The following KCNC1 variants were observed in gnomAD, a reference collection of about 807,000 sequenced individuals.
KCNC1 encodes potassium voltage-gated channel subfamily C member 1.
In KCNC1, 8 loss-of-function variants were observed where a neutral mutation model predicts 43.4. That is an observed-to-expected ratio of 0.18 (90% CI 0.11 to 0.33). The LOEUF (loss-of-function observed/expected upper bound fraction) is 0.33. Ranked by LOEUF, KCNC1 falls within the 10% of genes least tolerant of loss-of-function variation. The probability of loss-of-function intolerance (pLI) is 1.00; values close to 1 mark genes in which losing one functional copy is unlikely to be tolerated. For synonymous variants in KCNC1, 361 were observed against 360.5 expected, an observed-to-expected ratio of 1.00 and a Z score of -0.01; for missense variants, 420 against 836.0, an observed-to-expected ratio of 0.50 and a Z score of 6.14.
intron 1 of KCNC1, among the ~76,000 whole-genome samples, chr11:17,748,588 C>T (rs1426973247): frequency 6.6e-6 from 1 of 152,210 alleles, no homozygotes; most frequent in Non-Finnish European, 1.5e-5. Flanking sequence ...ACATGTACCC[C>T]TTAAATCTAA....
chr11:17,755,131 C>T (rs1187220156), intron 1 of KCNC1, among the ~76,000 whole-genome samples: 3 of 152,056 alleles, frequency 2.0e-5, no homozygotes, highest in East Asian at 1.9e-4. Context: ...TGGGGAAAGG[C>T]GTTCTAGGCA....
intron 1 of KCNC1, among the ~76,000 whole-genome samples, chr11:17,764,870 C>T (rs554107086): frequency 6.6e-6 from 1 of 152,310 alleles, no homozygotes; most frequent in Non-Finnish European, 1.5e-5. Context: ...GTTTCTAAAC[C>T]CAACTCAACT....
chr11:17,766,177 T>C (rs560972572), intron 1 of KCNC1, among the ~76,000 whole-genome samples: 1 of 152,324 alleles, frequency 6.6e-6, no homozygotes, highest in East Asian at 1.9e-4. Context: ...CGAGTGTGTA[T>C]GCACGAGTGG....
chr11:17,772,747 G>T lies in KCNC1; in HGVS notation c.1504+149G>T. ...TGGAGGTGTGGAGCCTGGGGGCCCA[G>T]GGAGATGCTGGGCGGCCAAATTCAG... On this transcript the variant is annotated intron_variant, in intron 2 of 3. Coordinates refer to ENST00000265969, the MANE Select transcript of KCNC1 (RefSeq NM_001112741.2). 4.0e-6 allele frequency: 6 copies of T among 1,494,744 alleles called. No homozygotes were observed. In the South Asian group the frequency reaches 8.5e-5, roughly 21 times the overall value. The allele number at this position is 1,494,744 out of a possible 1,614,324, so 92.6% of individuals were successfully genotyped here.
At chr11:17,752,482 CAAACAT>C (rs1848980036) in intron 1 of KCNC1, among the ~76,000 whole-genome samples, 1 of 152,250 alleles carries the variant, frequency 6.6e-6, no homozygotes, top group Non-Finnish European at 1.5e-5. Flanking sequence ...GCTCCACATG[CAAACAT>C]GCAGACATCT....
At chr11:17,770,018 T>C (rs1334020143) in intron 1 of KCNC1, among the ~76,000 whole-genome samples, 2 of 152,250 alleles carry the variant, frequency 1.3e-5, no homozygotes, top group African/African-American at 4.8e-5. Context: ...CAACACAGAA[T>C]GTGGTTTGGA....
chr11:17,779,185 A>C lies in KCNC1; in HGVS notation c.1505-271A>C. ...CGGCCCCCAGCACCACACCTGCTGGATCCATCACCAACTCATCTTTTTGCA... is the reference window on the plus strand; with the variant it reads ...CGGCCCCCAGCACCACACCTGCTGGCTCCATCACCAACTCATCTTTTTGCA... On this transcript the variant is annotated intron_variant, in intron 2 of 3. Coordinates refer to ENST00000265969, the MANE Select transcript of KCNC1 (RefSeq NM_001112741.2). The surrounding 1 kb of genome is among the most constrained non-coding windows in gnomAD (Gnocchi z 7.2). The C allele has an allele frequency of 2.7e-6, 1 of 364,860 alleles. No individual in the cohort carries two copies. The highest frequency in any genetic ancestry group is 4.9e-6 in the Non-Finnish European group (1 of 203,442). 22.6% of individuals were successfully genotyped at this position (364,860 alleles called of 1,614,324 possible). A position where few individuals can be genotyped will look rare whatever the true frequency, so the allele number is the denominator to read the frequency against.
intron 2 of KCNC1, 123 bp downstream of exon 2, chr11:17,772,721 C>G: frequency 3.3e-6 from 5 of 1,511,768 alleles, no homozygotes; most frequent in Non-Finnish European, 4.4e-6. Flanking sequence ...CGCACTCAGT[C>G]TGGAGGTGTG....
intron 2 of KCNC1, chr11:17,775,902 G>C: frequency 1.0e-6 from 1 of 985,568 alleles, no homozygotes; most frequent in Non-Finnish European, 1.2e-6. Context: ...TTGGCAAAGG[G>C]GTCTAAAGTC....
rs1848771512 is a variant in KCNC1, at chr11:17,736,668, G to A, written c.570+96G>A. On this transcript the variant is annotated intron_variant, in intron 1 of 3. Coordinates refer to ENST00000265969, the MANE Select transcript of KCNC1 (RefSeq NM_001112741.2). This position sits in a 1 kb window ranked among gnomAD's most constrained non-coding sequence, Gnocchi z 9.3. ...GTGGACCGGAGAACTGGCGCCTAGG[G>A]AGTTCAGAATCGAAAGGGGGTGTGT... The A allele has an allele frequency of 2.8e-6, 4 of 1,438,000 alleles. No homozygotes were observed. The African/African-American group carries it at 4.3e-5, about 16-fold the overall frequency. The allele number at this position is 1,438,000 out of a possible 1,614,324, so 89.1% of individuals were successfully genotyped here.
At position 17,736,371 on chromosome 11, in the gene KCNC1, C is replaced by T; in HGVS notation, c.369C>T (p.Gly123=). The T allele has an allele frequency of 6.2e-7, 1 of 1,611,970 alleles. No homozygotes were observed. Among genetic ancestry groups the T allele is most frequent in the Non-Finnish European group, 8.5e-7 (1 of 1,179,440 alleles). The change falls in exon 1 of 4, where the codon GGC becomes GGT. Residue 123 remains glycine, a synonymous_variant. Coordinates refer to ENST00000265969, the MANE Select transcript of KCNC1 (RefSeq NM_001112741.2). This position sits in a 1 kb window ranked among gnomAD's most constrained non-coding sequence, Gnocchi z 9.3. The part of the protein sequence containing the change: ...RDAEEALDSF[G]GAPLDNSADD... The stretch of plus-strand genomic sequence containing the variant: ...CCGAGGAGGCTCTGGACAGCTTCGG[C>T]GGCGCTCCTCTGGACAACAGCGCCG...
rs909473869 is a variant in KCNC1 at position 17,742,777 on chromosome 11, G to C, written c.570+6205G>C. Among the ~76,000 whole-genome samples the C allele has an allele frequency of 3.9e-5, 6 of 152,238 alleles. No homozygotes were observed. Among genetic ancestry groups the C allele is most frequent in the Non-Finnish European group, 7.3e-5 (5 of 68,052 alleles). On this transcript the variant is annotated intron_variant, in intron 1 of 3. Coordinates refer to ENST00000265969, the MANE Select transcript of KCNC1 (RefSeq NM_001112741.2). This position sits in a 1 kb window ranked among gnomAD's most constrained non-coding sequence, Gnocchi z 4.2. ...TTGCTCAAGACAACACAGGGAATCA[G>C]TGAGACTCAAACTCACAGCCTAGGC...
intron 1 of KCNC1, among the ~76,000 whole-genome samples, chr11:17,737,835 C>T (rs1848786574): frequency 6.6e-6 from 1 of 152,168 alleles, no homozygotes; most frequent in South Asian, 2.1e-4. Flanking sequence ...CGCACTGGAG[C>T]CTGAGCCAGA....
chr11:17,772,830 G>A (rs1171327084), intron 2 of KCNC1: 26 of 1,406,230 alleles, frequency 1.8e-5, no homozygotes, highest in Middle Eastern at 2.6e-4. Context: ...AGGTTGACGC[G>A]GTTGGTCTCG....
At chr11:17,780,187 T>C (rs1162662247) in intron 3 of KCNC1, 2 of 152,434 alleles carry the variant, frequency 1.3e-5, no homozygotes, top group Non-Finnish European at 2.9e-5. Flanking sequence ...GGTAAGGCCA[T>C]TGTCCTTGCA....
At chr11:17,775,253 G>A (rs1849271860) in intron 2 of KCNC1, 3 of 985,496 alleles carry the variant, frequency 3.0e-6, no homozygotes, top group Non-Finnish European at 3.6e-6. Flanking sequence ...GTTAGGGGCT[G>A]TGTGTGGCAC....
At chr11:17,749,478 G>T (rs948263266) in intron 1 of KCNC1, among the ~76,000 whole-genome samples, 1 of 152,244 alleles carries the variant, frequency 6.6e-6, no homozygotes, top group African/African-American at 2.4e-5. Context: ...CCACATAGGT[G>T]GTGGGGCAGA....
chr11:17,736,934 T>G lies in KCNC1; in HGVS notation c.570+362T>G, dbSNP rs1233062610. Among the ~76,000 whole-genome samples, 2 of 152,194 alleles carry G rather than the reference T, an allele frequency of 1.3e-5. No individual in the cohort carries two copies. Among genetic ancestry groups the G allele is most frequent in the African/African-American group, 4.8e-5 (2 of 41,446 alleles). ...GTATGTTCGAGTGTGCATGAGCGCC[T>G]GCCCGTGAACATTTGTGTCTTTGCA... On this transcript the variant is annotated intron_variant, in intron 1 of 3. Coordinates refer to ENST00000265969, the MANE Select transcript of KCNC1 (RefSeq NM_001112741.2). The surrounding 1 kb of genome is among the most constrained non-coding windows in gnomAD (Gnocchi z 9.3).
intron 2 of KCNC1, 178 bp downstream of exon 2, chr11:17,772,776 G>C (rs1187689515): frequency 1.4e-6 from 2 of 1,480,174 alleles, no homozygotes; most frequent in African/African-American, 2.8e-5. Context: ...AATTCAGCAG[G>C]CAAGAGCCTG....
Sources: gnomAD v4.1 joint callset for allele counts (sites outside exome capture counted in the v4.1 genomes callset) on GRCh38, gnomAD v4.1.1 for gene constraint, Gnocchi (gnomAD v3.1) non-coding constraint, MANE v1.5 for transcripts, NCBI Gene and HGNC (gene_info 2026-07-23, HGNC 2026-07-21) for gene names.